MEAK7: variants seen among roughly 807,000 people sequenced by gnomAD.
MEAK7 encodes the protein MTOR-associated protein MEAK7.
In MEAK7, 68 loss-of-function variants were observed where a neutral mutation model predicts 40.5. That is an observed-to-expected ratio of 1.68 (90% CI 1.38 to 2.06). The LOEUF is 2.06. Ranked by LOEUF, MEAK7 falls within the 30% of genes most tolerant of loss-of-function variation. The probability of loss-of-function intolerance (pLI) is 0.00; values close to 1 mark genes in which losing one functional copy is unlikely to be tolerated. For synonymous variants in MEAK7, 338 were observed against 231.9 expected (o/e 1.46, Z -4.16); for missense variants, 918 against 580.5 (o/e 1.58, Z -5.98).
At chr16:84,492,324 T>C (rs1913686761) in intron 3 of MEAK7, among the ~76,000 whole-genome samples, 1 of 152,142 alleles carries the variant, frequency 6.6e-6, no homozygotes, top group Non-Finnish European at 1.5e-5. Flanking sequence ...TATAAAAAGG[T>C]TTATACAAAT....
Position 84,482,669 on chromosome 16 carries a change from C to T in MEAK7, c.1000G>A (p.Ala334Thr). 6.2e-7 allele frequency: 1 copy of T among 1,614,204 alleles called. No individual in the cohort carries two copies. Among genetic ancestry groups the T allele is most frequent in the Non-Finnish European group, 8.5e-7 (1 of 1,180,022 alleles). Residue 334 changes from alanine (A) to threonine (T), a missense_variant, in exon 6 of 8, where the codon GCT becomes ACT. By Grantham distance (58) the Ala-to-Thr change is moderately conservative (BLOSUM62 0). Transcript: ENST00000343629. ...CFLFSICPSM[A>T]VYTHTGYNDH... ...TTGTAGCCCGTGTGTGTGTACACAG[C>T]CATGCTGGGGCAGATGGAGAACAGG... is the stretch of plus-strand genomic sequence containing the variant.
In MEAK7 at chr16:84,482,597, C is replaced by T. The variant is rs189837417; in HGVS notation, c.1072G>A (p.Gly358Arg). 52 of 1,614,154 alleles carry T rather than the reference C, an allele frequency of 3.2e-5. No homozygotes were observed. The African/African-American group carries it at 3.7e-4, about 12-fold the overall frequency. Residue 358 changes from glycine to arginine, a missense_variant, in exon 6 of 8, where the codon GGA (glycine) becomes AGA (arginine). Transcript: ENST00000343629. ...LNHGQQTIPN[G>R]LGMGGQHNYF... is the part of the protein sequence containing the mutation. The stretch of plus-strand genomic sequence containing the variant: ...CACGCTCTGCCCGGGCTCACCAGTC[C>T]GTTCGGGATCGTCTGCTGTCCATGG...
chr16:84,497,835 A>G (rs2150645789), intron 2 of MEAK7, 99 bp downstream of exon 2: 1 of 1,535,630 alleles, frequency 6.5e-7, no homozygotes, highest in Non-Finnish European at 9.0e-7. Context: ...GTTGCCATCC[A>G]TCCCATTACA....
Position 84,479,910 on chromosome 16 carries a change from T to A in MEAK7, c.*3A>T. The stretch of plus-strand genomic sequence containing the variant: ...CTGGCTCCAGGAAGGCTCAGGCGGC[T>A]CCTCATTCATCGTCCGGGACTTCCC... On this transcript the variant is annotated 3_prime_UTR_variant, in exon 8 of 8. Coordinates refer to ENST00000343629, the MANE Select transcript of MEAK7 (RefSeq NM_020947.4). The A allele has an allele frequency of 6.3e-7, 1 of 1,591,190 alleles. No individual in the cohort carries two copies. Among genetic ancestry groups the A allele is most frequent in the Non-Finnish European group, 8.6e-7 (1 of 1,164,350 alleles).
chr16:84,499,565 G>A (rs1018670269), intron 1 of MEAK7, among the ~76,000 whole-genome samples: 1 of 152,110 alleles, frequency 6.6e-6, no homozygotes, highest in East Asian at 1.9e-4. Context: ...AGTGTACAGT[G>A]GCATTTAGGA....
At position 84,489,376 on chromosome 16, in the gene MEAK7, C is replaced by G; in HGVS notation, c.431G>C (p.Arg144Thr). 3 of 1,614,170 alleles carry G rather than the reference C, an allele frequency of 1.9e-6. No individual in the cohort carries two copies. In the South Asian group the frequency reaches 3.3e-5, roughly 18 times the overall value. The stretch of plus-strand genomic sequence containing the variant: ...CCCAGTCCAGCCTCTCAGCTCCTGT[C>G]TGTGGCTTAGCACGTGCACCACAGA... ...VGSVVHVLSH[R>T]QELRGWTGKE... Residue 144 changes from arginine to threonine, a missense_variant, in exon 4 of 8, where the codon AGA becomes ACA. Transcript: ENST00000343629.
intron 1 of MEAK7, among the ~76,000 whole-genome samples, chr16:84,503,466 G>C (rs1354918879): frequency 6.6e-6 from 1 of 152,098 alleles, no homozygotes; most frequent in Non-Finnish European, 1.5e-5. Context: ...GCTATAATCA[G>C]AGTTGAGCCC....
At position 84,478,959 on chromosome 16, in the gene MEAK7, T is replaced by G. The variant is rs1912266825; in HGVS notation, c.*954A>C. 6.6e-6 allele frequency: 1 copy of G among 152,264 alleles called. No homozygotes were observed. Among genetic ancestry groups the G allele is most frequent in the Admixed American group, 6.5e-5 (1 of 15,284 alleles). The allele number at this position is 152,264 out of a possible 1,614,324, so 9.4% of individuals were successfully genotyped here. ...TATTTATCAACCAAGTTCCCAAACT[T>G]AGGGTGCCCAATGTCCCTCACCTTG... On this transcript the variant is annotated 3_prime_UTR_variant, in exon 8 of 8. Transcript: ENST00000343629.
intron 1 of MEAK7, among the ~76,000 whole-genome samples, chr16:84,499,338 GACCTTCTCCCACACAGGC>G (rs1294166088): frequency 6.6e-6 from 1 of 152,098 alleles, no homozygotes; most frequent in Non-Finnish European, 1.5e-5. Context: ...GAGAGAAAAC[GACCTTCTCCCACACAGGC>G]ACCTTGATAA....
chr16:84,501,943 G>A (rs964743860), intron 1 of MEAK7, among the ~76,000 whole-genome samples: 3 of 152,146 alleles, frequency 2.0e-5, no homozygotes, highest in Non-Finnish European at 4.4e-5. Context: ...TCGGGAGTTC[G>A]AGACTAGCTG....
chr16:84,502,778 G>A (rs150689548), intron 1 of MEAK7: 6 of 152,222 alleles, frequency 3.9e-5, no homozygotes, highest in African/African-American at 2.4e-5. Context: ...GGCTGAGGTG[G>A]GAAGATCGCT....
chr16:84,483,052 C>G (rs952024675), intron 5 of MEAK7, among the ~76,000 whole-genome samples: 1 of 152,174 alleles, frequency 6.6e-6, no homozygotes, highest in African/African-American at 2.4e-5. Flanking sequence ...CTTATGAGCA[C>G]GGGGCAGGTG....
chr16:84,481,684 A>G (rs1212844406), intron 6 of MEAK7, among the ~76,000 whole-genome samples: 2 of 152,192 alleles, frequency 1.3e-5, no homozygotes, highest in African/African-American at 4.8e-5. Context: ...CTGTAATCCC[A>G]GCACTTTAGG....
chr16:84,504,631 G>C lies in MEAK7; in HGVS notation c.-56C>G. On this transcript the variant is annotated 5_prime_UTR_variant, in exon 1 of 8. Coordinates refer to ENST00000343629, the MANE Select transcript of MEAK7 (RefSeq NM_020947.4). Reference sequence around the variant, plus strand: ...CGGGCTTCCTGGTGCTGTCCGGTCCGGTCCAGCAGCCCACGGGCTCCTCTC... The same window carrying C: ...CGGGCTTCCTGGTGCTGTCCGGTCCCGTCCAGCAGCCCACGGGCTCCTCTC... 2.0e-6 allele frequency: 2 copies of C among 985,600 alleles called. No individual in the cohort carries two copies. The highest frequency in any genetic ancestry group is 2.4e-6 in the Non-Finnish European group (2 of 830,022). 61.1% of individuals were successfully genotyped at this position (985,600 alleles called of 1,614,324 possible). A position where few individuals can be genotyped will look rare whatever the true frequency, so the allele number is the denominator to read the frequency against.
intron 3 of MEAK7, 148 bp from the exon 4 acceptor site, chr16:84,489,570 GT>G: frequency 3.1e-6 from 3 of 966,378 alleles, no homozygotes; most frequent in Non-Finnish European, 4.4e-6. Flanking sequence ...GTAGTTACTC[GT>G]TTTTCTAATG....
At chr16:84,483,703 G>A (rs1041416371) in intron 5 of MEAK7, among the ~76,000 whole-genome samples, 5 of 150,670 alleles carry the variant, frequency 3.3e-5, no homozygotes, top group African/African-American at 1.2e-4. Context: ...AAAGATCGCT[G>A]GGGGGCCTCT....
chr16:84,489,700 C>G (rs1913403871), intron 3 of MEAK7, among the ~76,000 whole-genome samples: 3 of 152,164 alleles, frequency 2.0e-5, no homozygotes, highest in Admixed American at 2.0e-4. Context: ...TGCCTGCTGT[C>G]TTCATTGCTC....
intron 4 of MEAK7, 127 bp from the exon 5 acceptor site, chr16:84,487,186 C>T (rs1913164666): frequency 4.5e-6 from 4 of 880,862 alleles, no homozygotes; most frequent in Admixed American, 3.2e-5. Context: ...AAACAGGGCT[C>T]GTGTGAATTG....
At chr16:84,501,227 T>C (rs1914479825) in intron 1 of MEAK7, among the ~76,000 whole-genome samples, 1 of 150,356 alleles carries the variant, frequency 6.7e-6, no homozygotes, top group South Asian at 2.1e-4. Context: ...TCCAGCTGAG[T>C]CTTCAGAGAC....
Sources: allele counts gnomAD v4.1 joint callset (sites outside exome capture counted in the v4.1 genomes callset), GRCh38; gene constraint gnomAD v4.1.1; transcripts MANE v1.5; gene names NCBI Gene and HGNC (gene_info 2026-07-23, HGNC 2026-07-21).